Variants in SOX5 observed in about 807,000 individuals in gnomAD.
SOX5 encodes the protein SRY-box transcription factor 5.
In SOX5, 9 loss-of-function variants were observed where a neutral mutation model predicts 92.0. The observed-to-expected ratio is 0.10, with a 90% confidence interval of 0.06 to 0.17. SOX5 has a LOEUF of 0.17. Ranked by LOEUF, SOX5 falls within the 10% of genes least tolerant of loss-of-function variation. The pLI is 1.00. For missense variants in SOX5, 642 were observed against 944.5 expected (o/e 0.68, Z 4.20); for synonymous variants, 344 against 336.3 (o/e 1.02, Z -0.25).
At chr12:24,109,871 T>TAGCAAAGTTTCC (rs1235472763) in intron 4 of SOX5, among the ~76,000 whole-genome samples, 1 of 152,200 alleles carries the variant, frequency 6.6e-6, no homozygotes, top group Non-Finnish European at 1.5e-5. Context: ...TTCCAAAAAA[T>TAGCAAAGTTTCC]AAAGACAGAA....
At chr12:23,795,172 T>G (rs2095540484) in intron 3 of SOX5, among the ~76,000 whole-genome samples, 1 of 152,088 alleles carries the variant, frequency 6.6e-6, no homozygotes, top group Admixed American at 6.6e-5. Context: ...CCCTTTGAAT[T>G]TTCTGGAAAA....
intron 13 of SOX5, among the ~76,000 whole-genome samples, chr12:23,537,828 C>T (rs1009873559): frequency 4.9e-4 from 75 of 152,236 alleles, no homozygotes; most frequent in African/African-American, 1.8e-3. Flanking sequence ...AAGAATGAAG[C>T]TGCGGACCCT....
chr12:24,223,191 G>C (rs1960933877), intron 3 of SOX5: 1 of 152,190 alleles, frequency 6.6e-6, no homozygotes, highest in Non-Finnish European at 1.5e-5. Flanking sequence ...ACACAATTTA[G>C]AGTTGCTAGG....
At chr12:23,708,345 A>G (rs2091679143) in intron 6 of SOX5, among the ~76,000 whole-genome samples, 1 of 152,088 alleles carries the variant, frequency 6.6e-6, no homozygotes, top group Non-Finnish European at 1.5e-5. Flanking sequence ...CAGAGGCTAG[A>G]AAGTCTGAAA....
At chr12:23,841,754 G>A (rs186684011) in intron 3 of SOX5, among the ~76,000 whole-genome samples, 40 of 152,146 alleles carry the variant, frequency 2.6e-4, no homozygotes, top group Admixed American at 1.9e-3. Context: ...ACTATACATG[G>A]TAATAAGATC....
intron 1 of SOX5, among the ~76,000 whole-genome samples, chr12:24,435,762 G>GT (rs1321957357): frequency 1.0e-5 from 1 of 99,472 alleles, no homozygotes; most frequent in African/African-American, 3.4e-5. Context: ...ACTGTGGTTT[G>GT]TTTTTTTGTT....
At chr12:24,024,005 C>G (rs903238179) in intron 4 of SOX5, among the ~76,000 whole-genome samples, 4 of 151,912 alleles carry the variant, frequency 2.6e-5, no homozygotes, top group Non-Finnish European at 5.9e-5. Flanking sequence ...CTTTTGAAAT[C>G]CAGAGTCTCA....
chr12:24,282,699 C>T, intron 2 of SOX5, among the ~76,000 whole-genome samples: 3 of 152,276 alleles, frequency 2.0e-5, no homozygotes, highest in Admixed American at 2.0e-4. Context: ...CTTCACAAAA[C>T]CCTCGAAGGA....
intron 3 of SOX5, among the ~76,000 whole-genome samples, chr12:23,771,735 G>A (rs999710489): frequency 2.0e-5 from 3 of 152,118 alleles, no homozygotes; most frequent in African/African-American, 4.8e-5. Context: ...TTCTCTCGGG[G>A]CATTTCATAT....
intron 6 of SOX5, among the ~76,000 whole-genome samples, chr12:23,665,838 C>T (rs1316649885): frequency 6.6e-6 from 1 of 152,104 alleles, no homozygotes; most frequent in Non-Finnish European, 1.5e-5. Flanking sequence ...GAAAATATCA[C>T]TACTTTGCAT....
intron 13 of SOX5, among the ~76,000 whole-genome samples, chr12:23,539,329 G>A (rs983953720): frequency 2.0e-5 from 3 of 152,140 alleles, no homozygotes; most frequent in African/African-American, 7.2e-5. Context: ...GAAAGTTATA[G>A]TTCCTGTCTC....
chr12:24,005,413 T>C (rs1377143820), intron 4 of SOX5, among the ~76,000 whole-genome samples: 3 of 152,184 alleles, frequency 2.0e-5, no homozygotes, highest in Non-Finnish European at 4.4e-5. Context: ...TGCAGTCCTT[T>C]TGTTACATTT....
At chr12:24,490,207 T>C (rs1946912933) in intron 1 of SOX5, among the ~76,000 whole-genome samples, 1 of 152,214 alleles carries the variant, frequency 6.6e-6, no homozygotes, top group African/African-American at 2.4e-5. Context: ...ACATAGTCTG[T>C]CATTATGCAG....
chr12:24,348,421 T>C (rs1032796392), intron 2 of SOX5, among the ~76,000 whole-genome samples: 1 of 150,050 alleles, frequency 6.7e-6, no homozygotes, highest in Non-Finnish European at 1.5e-5. Flanking sequence ...CTCACTCTGT[T>C]GCCCAGGCTG....
At chr12:23,591,129 T>C (rs1198776256) in intron 9 of SOX5, among the ~76,000 whole-genome samples, 2 of 152,006 alleles carry the variant, frequency 1.3e-5, no homozygotes, top group Non-Finnish European at 2.9e-5. Flanking sequence ...TATACAAATG[T>C]TCAAAAGTTC....
chr12:24,206,126 C>G (rs964226379), intron 4 of SOX5, among the ~76,000 whole-genome samples: 1 of 152,160 alleles, frequency 6.6e-6, no homozygotes, highest in Non-Finnish European at 1.5e-5. Context: ...GCTGCTTTAA[C>G]TCTTAGAAAT....
At chr12:24,281,971 G>A (rs1284439190) in intron 2 of SOX5, among the ~76,000 whole-genome samples, 1 of 44,140 alleles carries the variant, frequency 2.3e-5, no homozygotes, top group African/African-American at 1.5e-4. Flanking sequence ...CGATTTCCGG[G>A]GCATCACCTA....
intron 2 of SOX5, among the ~76,000 whole-genome samples, chr12:24,337,679 A>G (rs756246951): frequency 1.3e-5 from 2 of 152,156 alleles, no homozygotes; most frequent in South Asian, 2.1e-4. Context: ...AGTTCGGTAG[A>G]CATGTATTAC....
At chr12:24,362,692 A>T (rs17508056) in intron 2 of SOX5, among the ~76,000 whole-genome samples, 3,069 of 152,284 alleles carry the variant, frequency 0.02, 46 homozygotes, top group Non-Finnish European at 0.034. Flanking sequence ...CGACACCAGG[A>T]AACTAATATT....
Sources: allele counts gnomAD v4.1 joint callset (sites outside exome capture counted in the v4.1 genomes callset), GRCh38; gene constraint gnomAD v4.1.1; transcripts MANE v1.5; gene names NCBI Gene and HGNC (gene_info 2026-07-23, HGNC 2026-07-21).